Variants in CNTNAP5 observed in about 807,000 individuals in gnomAD.
The protein encoded by CNTNAP5 is contactin associated protein family member 5, also known as contactin-associated protein-like 5.
In CNTNAP5, 72 loss-of-function variants were observed where a neutral mutation model predicts 150.2. The ratio of observed to expected loss-of-function variants is 0.48; its 90% CI spans 0.40 to 0.58. The LOEUF (loss-of-function observed/expected upper bound fraction) is 0.58. Among genes scored for constraint, CNTNAP5 ranks in the 20% least tolerant of loss-of-function variants. The pLI, the probability that CNTNAP5 is intolerant of heterozygous loss-of-function variation, is 0.00. For missense variants in CNTNAP5, 1,636 were observed against 1,626.2 expected (o/e 1.01, Z -0.10); for synonymous variants, 672 against 619.8 (o/e 1.08, Z -1.25).
intron 14 of CNTNAP5, among the ~76,000 whole-genome samples, chr2:124,761,962 A>G (rs1193191677): frequency 1.3e-5 from 2 of 152,042 alleles, no homozygotes; most frequent in Non-Finnish European, 2.9e-5. Flanking sequence ...TTTAGAAACT[A>G]CCATTTTCAC....
chr2:124,425,669 T>C (rs1229596027), intron 4 of CNTNAP5, among the ~76,000 whole-genome samples: 1 of 149,034 alleles, frequency 6.7e-6, no homozygotes, highest in African/African-American at 2.5e-5. Flanking sequence ...AGCTCCCCTT[T>C]TCAATCCCAC....
chr2:124,051,761 G>A (rs1029671990), intron 1 of CNTNAP5, among the ~76,000 whole-genome samples: 1 of 152,152 alleles, frequency 6.6e-6, no homozygotes, highest in Non-Finnish European at 1.5e-5. Flanking sequence ...TTTGGTGAAT[G>A]TCAAGTGAGA....
At chr2:124,841,093 C>T (rs796847086) in intron 19 of CNTNAP5, among the ~76,000 whole-genome samples, 17 of 152,172 alleles carry the variant, frequency 1.1e-4, no homozygotes, top group African/African-American at 4.1e-4. Flanking sequence ...TGCATTTGTG[C>T]TGTGGGTCAA....
chr2:124,046,636 C>G (rs1176853366), intron 1 of CNTNAP5, among the ~76,000 whole-genome samples: 4 of 152,022 alleles, frequency 2.6e-5, no homozygotes, highest in Non-Finnish European at 5.9e-5. Flanking sequence ...CATGTTCCTA[C>G]CAGGTCAAGT....
intron 11 of CNTNAP5, among the ~76,000 whole-genome samples, chr2:124,600,646 A>G (rs1464521528): frequency 1.3e-5 from 2 of 151,808 alleles, no homozygotes; most frequent in Admixed American, 1.3e-4. Context: ...AATTGACACA[A>G]CTCGAATCCA....
chr2:124,139,263 AACACAC>A (rs3063402), intron 1 of CNTNAP5, among the ~76,000 whole-genome samples: 282 of 149,270 alleles, frequency 1.9e-3, no homozygotes, highest in African/African-American at 5.9e-3. Flanking sequence ...TTTCTACCCC[AACACAC>A]ACACACACAC....
At chr2:124,566,870 G>T (rs1696036815) in intron 11 of CNTNAP5, among the ~76,000 whole-genome samples, 1 of 152,172 alleles carries the variant, frequency 6.6e-6, no homozygotes, top group Admixed American at 6.5e-5. Flanking sequence ...CTTCTGCAGT[G>T]CAGAAGATGG....
chr2:124,281,143 G>A (rs540324494), intron 3 of CNTNAP5, among the ~76,000 whole-genome samples: 73 of 152,118 alleles, frequency 4.8e-4, no homozygotes, highest in Non-Finnish European at 7.4e-4. Flanking sequence ...AAGCAGCATA[G>A]TATATGAATC....
chr2:124,517,581 A>AAG (rs1361153388), intron 8 of CNTNAP5, among the ~76,000 whole-genome samples: 1 of 145,622 alleles, frequency 6.9e-6, no homozygotes. Context: ...GGTGTTGGTG[A>AAG]TGGAAGATTG....
intron 1 of CNTNAP5, among the ~76,000 whole-genome samples, chr2:124,197,750 G>C (rs561423576): frequency 9.2e-5 from 14 of 152,130 alleles, no homozygotes; most frequent in Admixed American, 2.6e-4. Flanking sequence ...GGGAGCCTGA[G>C]GCGGGCGGAT....
intron 3 of CNTNAP5, among the ~76,000 whole-genome samples, chr2:124,297,003 C>T (rs1283943368): frequency 1.3e-5 from 2 of 152,186 alleles, no homozygotes; most frequent in East Asian, 3.9e-4. Flanking sequence ...CTTTGTCTAT[C>T]ACTATCCAGG....
chr2:124,460,288 C>T (rs1693216030), intron 6 of CNTNAP5, among the ~76,000 whole-genome samples: 1 of 151,962 alleles, frequency 6.6e-6, no homozygotes, highest in Non-Finnish European at 1.5e-5. Flanking sequence ...TACTGCATAC[C>T]CTCTTTAAAC....
chr2:124,879,059 C>T (rs1013237902), intron 21 of CNTNAP5, among the ~76,000 whole-genome samples: 2 of 152,060 alleles, frequency 1.3e-5, no homozygotes, highest in African/African-American at 4.8e-5. Context: ...AACTTATTTC[C>T]TCAGGAGTCA....
At position 124,429,492 on chromosome 2, in the gene CNTNAP5, C is replaced by T. The variant is rs557997014; in HGVS notation, c.530-4992C>T. On this transcript the variant is annotated intron_variant, in intron 4 of 23. Transcript: ENST00000682447. ...GTAGGAAGTATTCAGTTGGGGAAAC[C>T]TTTAATCCTTCTTTGAAAGTTTTGA... is the stretch of plus-strand genomic sequence containing the variant. Among the ~76,000 whole-genome samples the T allele has an allele frequency of 3.4e-3, 525 of 152,304 alleles. 3 individuals carry two copies. The highest frequency in any genetic ancestry group is 6.2e-3 in the Non-Finnish European group (420 of 68,022).
chr2:124,307,653 C>T (rs1270125742), intron 3 of CNTNAP5, among the ~76,000 whole-genome samples: 1 of 152,144 alleles, frequency 6.6e-6, no homozygotes, highest in African/African-American at 2.4e-5. Flanking sequence ...AGTAGGAAGA[C>T]AAGTTCTTGC....
intron 1 of CNTNAP5, among the ~76,000 whole-genome samples, chr2:124,086,022 T>C (rs1223385626): frequency 6.6e-6 from 1 of 152,164 alleles, no homozygotes; most frequent in Non-Finnish European, 1.5e-5. Flanking sequence ...GTAAACTTGC[T>C]GATATTCTGT....
At chr2:124,350,740 A>G (rs1689857804) in intron 3 of CNTNAP5, among the ~76,000 whole-genome samples, 1 of 152,172 alleles carries the variant, frequency 6.6e-6, no homozygotes, top group Non-Finnish European at 1.5e-5. Flanking sequence ...ATGTAAGGTT[A>G]TATATTTTGC....
chr2:124,337,736 T>C (rs1187667572), intron 3 of CNTNAP5, among the ~76,000 whole-genome samples: 1 of 152,234 alleles, frequency 6.6e-6, no homozygotes, highest in East Asian at 1.9e-4. Context: ...GGTCTATATC[T>C]CTGTTTTGGT....
chr2:124,198,094 TG>T (rs1005813418), intron 1 of CNTNAP5, among the ~76,000 whole-genome samples: 6 of 151,988 alleles, frequency 3.9e-5, no homozygotes, highest in African/African-American at 1.2e-4. Flanking sequence ...ATTGTCAATA[TG>T]GGGGGTGTGA....
Sources: allele counts gnomAD v4.1 joint callset (sites outside exome capture counted in the v4.1 genomes callset), GRCh38; gene constraint gnomAD v4.1.1; transcripts MANE v1.5; gene names NCBI Gene and HGNC (gene_info 2026-07-23, HGNC 2026-07-21).